JARID2: variants seen among roughly 807,000 people sequenced by gnomAD.
JARID2 encodes the protein jumonji and AT-rich interaction domain containing 2, also known as protein Jumonji.
A neutral mutation model predicts 125.6 loss-of-function variants in JARID2; 21 were observed. The observed-to-expected ratio is 0.17, with a 90% confidence interval of 0.12 to 0.24. The LOEUF is 0.24. Among genes scored for constraint, JARID2 ranks in the 10% least tolerant of loss-of-function variants. The probability of loss-of-function intolerance (pLI) is 1.00; values close to 1 mark genes in which losing one functional copy is unlikely to be tolerated. For missense variants in JARID2, 1,303 were observed against 1,639.6 expected, an observed-to-expected ratio of 0.79 and a Z score of 3.55; for synonymous variants, 736 against 661.6, an observed-to-expected ratio of 1.11 and a Z score of -1.73.
At chr6:15,426,946 C>G (rs1766755419) in intron 3 of JARID2, among the ~76,000 whole-genome samples, 1 of 152,092 alleles carries the variant, frequency 6.6e-6, no homozygotes, top group African/African-American at 2.4e-5. Context: ...TACATCAGCA[C>G]CTTGATATAT....
chr6:15,321,919 A>G (rs143455599), intron 1 of JARID2, among the ~76,000 whole-genome samples: 3,655 of 150,264 alleles, frequency 0.024, 163 homozygotes, highest in African/African-American at 0.084. Flanking sequence ...TAGCCTCCCA[A>G]GTAGCTGGGA....
At chr6:15,255,294 G>A (rs189877429) in intron 1 of JARID2, among the ~76,000 whole-genome samples, 7 of 152,098 alleles carry the variant, frequency 4.6e-5, no homozygotes, top group Admixed American at 1.3e-4. Flanking sequence ...TAGTAGAGAC[G>A]GGGTTTCACC....
At chr6:15,386,293 T>C (rs897469948) in intron 2 of JARID2, among the ~76,000 whole-genome samples, 2 of 142,930 alleles carry the variant, frequency 1.4e-5, no homozygotes, top group Non-Finnish European at 3.0e-5. Context: ...TCTCTCTCCC[T>C]CTCTCTACTT....
chr6:15,265,978 G>A (rs1760069260), intron 1 of JARID2, among the ~76,000 whole-genome samples: 2 of 152,102 alleles, frequency 1.3e-5, no homozygotes, highest in Non-Finnish European at 2.9e-5. Flanking sequence ...GTGAATAATT[G>A]TGCTTCCTTC....
intron 1 of JARID2, among the ~76,000 whole-genome samples, chr6:15,335,599 TTCC>T (rs1358855472): frequency 6.6e-6 from 1 of 152,202 alleles, no homozygotes; most frequent in African/African-American, 2.4e-5. Flanking sequence ...CTTGTTGCAG[TTCC>T]CCTTTCTCTG....
intron 17 of JARID2, among the ~76,000 whole-genome samples, chr6:15,519,669 C>T (rs950315232): frequency 7.2e-5 from 11 of 152,290 alleles, no homozygotes; most frequent in Non-Finnish European, 4.4e-5. Flanking sequence ...ACTTGCATGG[C>T]CAGGTTCAGT....
At chr6:15,426,048 G>T (rs765805913) in intron 3 of JARID2, among the ~76,000 whole-genome samples, 4 of 152,146 alleles carry the variant, frequency 2.6e-5, no homozygotes, top group East Asian at 1.9e-4. Flanking sequence ...GCCTGTACCT[G>T]TTTCTGTGAA....
intron 1 of JARID2, among the ~76,000 whole-genome samples, chr6:15,285,032 G>A (rs1413857208): frequency 2.0e-5 from 3 of 150,290 alleles, no homozygotes; most frequent in African/African-American, 7.4e-5. Flanking sequence ...TCTTTTAAAT[G>A]ATGTAACTGC....
chr6:15,480,843 G>T (rs1485123859), intron 5 of JARID2, among the ~76,000 whole-genome samples: 1 of 152,192 alleles, frequency 6.6e-6, no homozygotes, highest in Admixed American at 6.5e-5. Context: ...TGCATGGAGT[G>T]AGGGTATTAA....
intron 2 of JARID2, among the ~76,000 whole-genome samples, chr6:15,395,619 C>G (rs1424772059): frequency 6.6e-6 from 1 of 151,816 alleles, no homozygotes; most frequent in East Asian, 1.9e-4. Context: ...AGACTGGTCT[C>G]GAACTCCTGA....
intron 2 of JARID2, among the ~76,000 whole-genome samples, chr6:15,406,032 A>C (rs191722673): frequency 1.3e-5 from 2 of 152,352 alleles, no homozygotes; most frequent in Non-Finnish European, 2.9e-5. Context: ...GACTATTAAT[A>C]AATGTAAATG....
intron 3 of JARID2, among the ~76,000 whole-genome samples, chr6:15,440,540 C>T (rs1031695890): frequency 1.4e-4 from 21 of 152,176 alleles, no homozygotes; most frequent in African/African-American, 4.1e-4. Flanking sequence ...TTTAAGGCTG[C>T]TTAAGGGATA....
At chr6:15,250,263 C>G (rs1348730292) in intron 1 of JARID2, among the ~76,000 whole-genome samples, 2 of 149,152 alleles carry the variant, frequency 1.3e-5, no homozygotes, top group Non-Finnish European at 3.0e-5. Context: ...ATTACAACTA[C>G]GTAAAATTAC....
intron 3 of JARID2, among the ~76,000 whole-genome samples, chr6:15,430,273 A>C (rs1044799066): frequency 6.6e-6 from 1 of 152,210 alleles, no homozygotes; most frequent in South Asian, 2.1e-4. Flanking sequence ...TTATCAAGAC[A>C]ATTTCTGTGA....
At chr6:15,507,877 C>A (rs1410802828) in intron 11 of JARID2, among the ~76,000 whole-genome samples, 1 of 152,188 alleles carries the variant, frequency 6.6e-6, no homozygotes, top group Non-Finnish European at 1.5e-5. Flanking sequence ...AGGAACCTGT[C>A]CGGGTCCTGG....
rs376724376 is a variant in JARID2, at chr6:15,497,183, G to T, written c.1945+13G>T. On this transcript the variant is annotated intron_variant, in intron 7 of 17. Transcript: ENST00000341776. ...CTCCCGCTCATAGGTAGGTCTGGGC[G>T]GGGGGTCAGGGGGTGGTGCCTGCCC... The T allele has an allele frequency of 6.6e-6, 10 of 1,523,304 alleles. No homozygotes were observed. Among genetic ancestry groups the T allele is most frequent in the South Asian group, 6.2e-5 (5 of 80,058 alleles). The allele number at this position is 1,523,304 out of a possible 1,614,324, so 94.4% of individuals were successfully genotyped here. A position where few individuals can be genotyped will look rare whatever the true frequency, so the allele number is the denominator to read the frequency against.
chr6:15,450,590 T>G (rs556646128), intron 3 of JARID2, among the ~76,000 whole-genome samples: 1 of 152,314 alleles, frequency 6.6e-6, no homozygotes, highest in East Asian at 1.9e-4. Context: ...TCTTGGTTCT[T>G]TTTGTTGTTG....
intron 1 of JARID2, among the ~76,000 whole-genome samples, chr6:15,318,723 A>T (rs1762256938): frequency 6.6e-6 from 1 of 152,090 alleles, no homozygotes; most frequent in Non-Finnish European, 1.5e-5. Flanking sequence ...CATTTTTTGG[A>T]TCAGAAACAA....
chr6:15,277,961 ACT>A (rs1403976091), intron 1 of JARID2, among the ~76,000 whole-genome samples: 9 of 152,034 alleles, frequency 5.9e-5, no homozygotes, highest in African/African-American at 1.7e-4. Context: ...AAAAAGGTGA[ACT>A]CTGGTTGGGC....
Sources: gnomAD v4.1 joint callset for allele counts (sites outside exome capture counted in the v4.1 genomes callset) on GRCh38, gnomAD v4.1.1 for gene constraint, MANE v1.5 for transcripts, NCBI Gene and HGNC (gene_info 2026-07-23, HGNC 2026-07-21) for gene names.